The following THADA variants were observed in gnomAD, a reference collection of about 807,000 sequenced individuals.
THADA encodes THADA armadillo repeat containing, also known as tRNA (32-2'-O)-methyltransferase regulator THADA.
A neutral mutation model predicts 219.8 loss-of-function variants in THADA; 213 were observed. The observed-to-expected ratio is 0.97, with a 90% CI of 0.87 to 1.09. The LOEUF is 1.09. Among genes scored for constraint, THADA ranks in the 50% least tolerant of loss-of-function variants. The pLI, the probability that THADA is intolerant of heterozygous loss-of-function variation, is 0.00. For synonymous variants in THADA, 1,018 were observed against 828.9 expected (o/e 1.23, Z -3.92); for missense variants, 2,956 against 2,311.3 (o/e 1.28, Z -5.72).
At chr2:43,327,484 G>A (rs1339614475) in intron 30 of THADA, among the ~76,000 whole-genome samples, 1 of 137,082 alleles carries the variant, frequency 7.3e-6, no homozygotes. Context: ...AAAGAGGGGG[G>A]GTGGTTAGAA....
intron 3 of THADA, among the ~76,000 whole-genome samples, chr2:43,591,337 AAAAC>A (rs926193428): frequency 2.0e-5 from 3 of 152,176 alleles, no homozygotes; most frequent in African/African-American, 4.8e-5. Flanking sequence ...AAAAATAAAT[AAAAC>A]AAAGTGTCAA....
In THADA at chr2:43,590,971, T is replaced by G. The variant is rs746437966; in HGVS notation, c.172-17A>C. ...AGGCACAATCTATAATACAAAACAT[T>G]GAAGTAATTTTTATAATATCAAATA... On this transcript the variant is annotated splice_polypyrimidine_tract_variant and intron_variant, in intron 3 of 37. Coordinates refer to ENST00000405975, the MANE Select transcript of THADA (RefSeq NM_022065.5). The G allele has an allele frequency of 1.9e-6, 3 of 1,601,000 alleles. No individual in the cohort carries two copies. Among genetic ancestry groups the G allele is most frequent in the Non-Finnish European group, 2.6e-6 (3 of 1,174,218 alleles).
chr2:43,516,661 C>T (rs538253912), intron 22 of THADA, among the ~76,000 whole-genome samples: 4 of 152,186 alleles, frequency 2.6e-5, no homozygotes, highest in African/African-American at 7.2e-5. Flanking sequence ...ATAGCAAGTA[C>T]GTGGCAGAGG....
At chr2:43,471,940 G>C (rs1684956741) in intron 26 of THADA, among the ~76,000 whole-genome samples, 1 of 152,168 alleles carries the variant, frequency 6.6e-6, no homozygotes, top group Admixed American at 6.5e-5. Context: ...GAAGATATTA[G>C]ATCATGCACA....
chr2:43,518,887 G>C (rs1692060673), intron 22 of THADA, among the ~76,000 whole-genome samples: 1 of 152,018 alleles, frequency 6.6e-6, no homozygotes, highest in Non-Finnish European at 1.5e-5. Flanking sequence ...GGAGTCCCAG[G>C]TCACACTATC....
intron 28 of THADA, among the ~76,000 whole-genome samples, chr2:43,398,395 A>C (rs2104716572): frequency 6.6e-6 from 1 of 152,306 alleles, no homozygotes; most frequent in South Asian, 2.1e-4. Context: ...TAAGACAATA[A>C]ACAGGTAGTA....
intron 26 of THADA, 107 bp from the exon 27 acceptor site, chr2:43,430,409 A>C (rs1237831730): frequency 1.7e-6 from 1 of 603,394 alleles, no homozygotes; most frequent in African/African-American, 1.9e-5. Context: ...TGGATATTTA[A>C]TTAAATACAG....
chr2:43,292,873 C>A lies in THADA; in HGVS notation c.4779G>T (p.Leu1593Phe), dbSNP rs761375452. The change falls in exon 32 of 38, where the codon TTG becomes TTT. Residue 1593 changes from leucine (L) to phenylalanine (F), a missense_variant. Leu to Phe is a conservative substitution (Grantham distance 22). Transcript: ENST00000405975. ...CTGGGTGATTTTCCTTCATGGCCAA[C>A]AATAAGAACTTCTCTCCCATGTTGC... is the stretch of plus-strand genomic sequence containing the variant. ...LLCNMGEKFL[L>F]LAMKENHPEC... 1 of 1,613,778 alleles carries A rather than the reference C, an allele frequency of 6.2e-7. No individual in the cohort carries two copies.
chr2:43,497,878 C>A (rs1688470540), intron 25 of THADA, among the ~76,000 whole-genome samples: 1 of 152,040 alleles, frequency 6.6e-6, no homozygotes, highest in Non-Finnish European at 1.5e-5. Flanking sequence ...GAGCAAGACT[C>A]CAACTCAATT....
chr2:43,515,127 TTATATATAATATATAATATATTTTA>T (rs1691302255), intron 22 of THADA, among the ~76,000 whole-genome samples: 1 of 6,062 alleles, frequency 1.6e-4, no homozygotes, highest in African/African-American at 8.0e-4. Context: ...ATAATATATT[TTATATATAATATATAATATATTTTA>T]TATATTATAT....
intron 32 of THADA, 38 bp from the exon 33 acceptor site, chr2:43,292,260 A>T: frequency 7.6e-7 from 1 of 1,317,590 alleles, no homozygotes; most frequent in Admixed American, 2.3e-5. Context: ...AAGAGAAATA[A>T]ATACTCAGGG....
intron 26 of THADA, among the ~76,000 whole-genome samples, chr2:43,438,157 C>T (rs1232543856): frequency 6.6e-6 from 1 of 151,832 alleles, no homozygotes. Context: ...AAAAAATTAG[C>T]CGGGCAAGGT....
At chr2:43,359,536 C>T (rs1398506771) in intron 29 of THADA, among the ~76,000 whole-genome samples, 2 of 152,264 alleles carry the variant, frequency 1.3e-5, no homozygotes, top group Admixed American at 1.3e-4. Flanking sequence ...AAAAATTAGC[C>T]AGGCATGCTG....
intron 30 of THADA, among the ~76,000 whole-genome samples, chr2:43,329,175 T>C (rs1250972496): frequency 6.6e-6 from 1 of 152,214 alleles, no homozygotes; most frequent in Non-Finnish European, 1.5e-5. Context: ...TGCTGGTTAA[T>C]AACTTAATAA....
chr2:43,452,133 GCCCAACAATT>G, intron 26 of THADA, among the ~76,000 whole-genome samples: 1 of 152,090 alleles, frequency 6.6e-6, no homozygotes, highest in East Asian at 1.9e-4. Flanking sequence ...AAAAGAAATT[GCCCAACAATT>G]CCTCTTTCAT....
intron 36 of THADA, chr2:43,233,098 T>C: frequency 1.8e-6 from 1 of 562,878 alleles, no homozygotes. Flanking sequence ...GAACCCACTG[T>C]TTCCATGCCC....
chr2:43,547,394 C>T (rs1696171914), intron 20 of THADA, among the ~76,000 whole-genome samples: 1 of 152,156 alleles, frequency 6.6e-6, no homozygotes, highest in Non-Finnish European at 1.5e-5. Flanking sequence ...CTCTGTATTT[C>T]CTGAATCTGA....
At chr2:43,522,171 T>G (rs1267664491) in intron 22 of THADA, among the ~76,000 whole-genome samples, 1 of 152,188 alleles carries the variant, frequency 6.6e-6, no homozygotes, top group Non-Finnish European at 1.5e-5. Flanking sequence ...TGCAGGAAGG[T>G]TGTTTGCATG....
At chr2:43,259,043 G>C (rs1301867021) in intron 36 of THADA, among the ~76,000 whole-genome samples, 1 of 151,864 alleles carries the variant, frequency 6.6e-6, no homozygotes, top group Non-Finnish European at 1.5e-5. Flanking sequence ...AACACAGTCT[G>C]TAAGTTCTAT....
Sources: gnomAD v4.1 joint callset for allele counts (sites outside exome capture counted in the v4.1 genomes callset) on GRCh38, gnomAD v4.1.1 for gene constraint, MANE v1.5 for transcripts, NCBI Gene and HGNC (gene_info 2026-07-23, HGNC 2026-07-21) for gene names.